The following OSBPL10 variants were observed in gnomAD, a reference collection of about 807,000 sequenced individuals.
OSBPL10 encodes the protein oxysterol binding protein like 10, also known as oxysterol-binding protein-related protein 10.
Under a neutral mutation model 81.7 loss-of-function variants are expected in OSBPL10, and 49 were observed. That is an observed-to-expected ratio of 0.60 (90% CI 0.48 to 0.76). The LOEUF is 0.76. OSBPL10 is among the 30% of genes least tolerant of loss of function. The probability of loss-of-function intolerance (pLI) is 0.00; values close to 1 mark genes in which losing one functional copy is unlikely to be tolerated. For synonymous variants in OSBPL10, 419 were observed against 383.6 expected (o/e 1.09, Z -1.08); for missense variants, 923 against 987.8 (o/e 0.93, Z 0.88).
At chr3:32,059,980 T>G (rs1195642711) in intron 1 of OSBPL10, among the ~76,000 whole-genome samples, 1 of 152,048 alleles carries the variant, frequency 6.6e-6, no homozygotes, top group Non-Finnish European at 1.5e-5. Context: ...AGGTAATGAC[T>G]AAAAAGTGCA....
chr3:31,967,619 G>A (rs1239764304), intron 1 of OSBPL10, among the ~76,000 whole-genome samples: 1 of 152,144 alleles, frequency 6.6e-6, no homozygotes, highest in African/African-American at 2.4e-5. Flanking sequence ...ATATTACGAT[G>A]AAACAACTTA....
At chr3:31,976,388 G>A (rs1301048040) in intron 1 of OSBPL10, among the ~76,000 whole-genome samples, 1 of 152,182 alleles carries the variant, frequency 6.6e-6, no homozygotes, top group African/African-American at 2.4e-5. Context: ...CTAGCCCACG[G>A]TCACATGTGT....
intron 8 of OSBPL10, among the ~76,000 whole-genome samples, chr3:31,671,441 G>A (rs549451977): frequency 2.6e-4 from 39 of 152,274 alleles, no homozygotes; most frequent in African/African-American, 8.9e-4. Context: ...GCTGGGAAGA[G>A]GGCCCACATG....
intron 5 of OSBPL10, among the ~76,000 whole-genome samples, chr3:31,740,912 C>CCCTTATATAGCAAAATAGAA (rs1456295656): frequency 7.1e-6 from 1 of 140,982 alleles, no homozygotes; most frequent in Non-Finnish European, 1.5e-5. Context: ...AAAAGAAATA[C>CCCTTATATAGCAAAATAGAA]AACTTGTATA....
chr3:31,728,187 G>A (rs999942298), intron 6 of OSBPL10, among the ~76,000 whole-genome samples: 13 of 152,114 alleles, frequency 8.5e-5, no homozygotes, highest in Admixed American at 1.3e-4. Flanking sequence ...GTTTTTCTAC[G>A]CCTGCTAGAT....
intron 6 of OSBPL10, among the ~76,000 whole-genome samples, chr3:31,729,654 C>G (rs1028671007): frequency 9.2e-5 from 14 of 152,002 alleles, no homozygotes; most frequent in African/African-American, 3.4e-4. Flanking sequence ...CTCCTGACCT[C>G]ATGATCCACC....
In OSBPL10 at chr3:31,673,856, C is replaced by T. The variant is rs150248567; in HGVS notation, c.1727-2873G>A. ...TCACTCAGGCTGAAGTGCAGTGGCG[C>T]GATCATGGCTCACTGCAGCCTTGAC... is the stretch of plus-strand genomic sequence containing the variant. On this transcript the variant is annotated intron_variant, in intron 8 of 11. Coordinates refer to ENST00000396556, the MANE Select transcript of OSBPL10 (RefSeq NM_017784.5). Among the ~76,000 whole-genome samples the T allele has an allele frequency of 2.7e-3, 406 of 152,052 alleles. 5 individuals are homozygous for T. The highest frequency in any genetic ancestry group is 0.018 in the East Asian group (95 of 5,160).
intron 1 of OSBPL10, among the ~76,000 whole-genome samples, chr3:31,903,086 C>G (rs1696298229): frequency 6.6e-6 from 1 of 152,194 alleles, no homozygotes; most frequent in Non-Finnish European, 1.5e-5. Flanking sequence ...GAGGCCACAG[C>G]AAATAGCATT....
intron 1 of OSBPL10, among the ~76,000 whole-genome samples, chr3:32,073,845 C>T (rs1699853101): frequency 6.6e-6 from 1 of 152,148 alleles, no homozygotes; most frequent in Admixed American, 6.5e-5. Context: ...CTCTTGACTC[C>T]CTCTTGGAGT....
chr3:31,701,149 A>G (rs745478114), intron 7 of OSBPL10, among the ~76,000 whole-genome samples: 2 of 152,068 alleles, frequency 1.3e-5, no homozygotes, highest in Non-Finnish European at 2.9e-5. Flanking sequence ...CTGTTCTGTC[A>G]TCTTCCTCCT....
intron 4 of OSBPL10, among the ~76,000 whole-genome samples, chr3:31,784,942 T>G (rs941205609): frequency 1.3e-5 from 2 of 151,936 alleles, no homozygotes; most frequent in Non-Finnish European, 2.9e-5. Context: ...TGAAGTGCAG[T>G]AGTACAATAG....
At chr3:32,056,812 G>C (rs898887536) in intron 1 of OSBPL10, among the ~76,000 whole-genome samples, 9 of 152,190 alleles carry the variant, frequency 5.9e-5, no homozygotes, top group African/African-American at 2.2e-4. Flanking sequence ...GACCTACTGG[G>C]CTGCATTCCC....
chr3:31,676,589 T>C (rs1180259297), intron 8 of OSBPL10, among the ~76,000 whole-genome samples: 3 of 152,238 alleles, frequency 2.0e-5, no homozygotes, highest in African/African-American at 7.2e-5. Flanking sequence ...ACATTCATCC[T>C]GGAAAGTAGA....
At chr3:31,663,968 T>C in intron 11 of OSBPL10, 111 bp downstream of exon 11, 1 of 1,610,402 alleles carries the variant, frequency 6.2e-7, no homozygotes, top group Non-Finnish European at 8.5e-7. Flanking sequence ...GTCCATCCCT[T>C]CCCCTGCCTG....
chr3:31,718,128 CTTTT>C lies in OSBPL10; in HGVS notation c.1095+15125_1095+15128del, dbSNP rs534220816. ...CACAGAATTTCCATTTCTTCTTCTT[CTTTT>C]TTTTTTTTCTTTTGAGACAAAGTCT... On this transcript the variant is annotated intron_variant, in intron 6 of 11. Coordinates refer to ENST00000396556, the MANE Select transcript of OSBPL10 (RefSeq NM_017784.5). The C allele has an allele frequency of 2.8e-5, 4 of 144,340 alleles. No individual in the cohort carries two copies. The East Asian group carries it at 5.9e-4, about 21-fold the overall frequency. The allele number at this position is 144,340 out of a possible 1,614,324, so 8.9% of individuals were successfully genotyped here. A position where few individuals can be genotyped will look rare whatever the true frequency, so the allele number is the denominator to read the frequency against.
chr3:32,026,621 C>T (rs1023480824), intron 2 of OSBPL10, among the ~76,000 whole-genome samples: 1 of 152,166 alleles, frequency 6.6e-6, no homozygotes, highest in African/African-American at 2.4e-5. Flanking sequence ...GAGAGAAAGA[C>T]GCAGAAAACC....
At chr3:31,948,495 C>A (rs1231487037) in intron 1 of OSBPL10, among the ~76,000 whole-genome samples, 2 of 152,200 alleles carry the variant, frequency 1.3e-5, no homozygotes, top group Non-Finnish European at 2.9e-5. Context: ...TGCCTAAGAG[C>A]ACTTTAGCCT....
At chr3:31,839,136 G>A (rs755048532) in intron 3 of OSBPL10, among the ~76,000 whole-genome samples, 11 of 152,064 alleles carry the variant, frequency 7.2e-5, no homozygotes, top group Non-Finnish European at 1.5e-4. Context: ...TTTTATCACC[G>A]GTTAAACCAC....
At chr3:31,728,145 G>A (rs1446301518) in intron 6 of OSBPL10, among the ~76,000 whole-genome samples, 1 of 152,184 alleles carries the variant, frequency 6.6e-6, no homozygotes, top group Non-Finnish European at 1.5e-5. Flanking sequence ...CTTATATGCT[G>A]ATATAGTACT....
Sources: allele counts gnomAD v4.1 joint callset (sites outside exome capture counted in the v4.1 genomes callset), GRCh38; gene constraint gnomAD v4.1.1; transcripts MANE v1.5; gene names NCBI Gene and HGNC (gene_info 2026-07-23, HGNC 2026-07-21).